SLMAP: variants seen among roughly 807,000 people sequenced by gnomAD.
The protein encoded by SLMAP is sarcolemma associated protein.
A neutral mutation model predicts 128.8 loss-of-function variants in SLMAP; 44 were observed. The observed-to-expected ratio is 0.34, with a 90% CI of 0.27 to 0.44. The LOEUF (loss-of-function observed/expected upper bound fraction) is 0.44. Among genes scored for constraint, SLMAP ranks in the 20% least tolerant of loss-of-function variants. SLMAP has a pLI of 1.00. For missense variants in SLMAP, 787 were observed against 985.3 expected (o/e 0.80, Z 2.69); for synonymous variants, 327 against 348.8 (o/e 0.94, Z 0.70).
At position 57,912,556 on chromosome 3, in the gene SLMAP, G is replaced by T. The variant is rs1264645376; in HGVS notation, c.1875G>T (p.Glu625Asp). 6.2e-7 allele frequency: 1 copy of T among 1,614,160 alleles called. No individual in the cohort carries two copies. The highest frequency in any genetic ancestry group is 1.7e-5 in the Admixed American group (1 of 60,008). ...RDTDIASLQE[E>D]LKKVRAELER... Reference sequence around the variant, plus strand: ...CTGACATTGCTTCTTTACAAGAAGAGCTTAAGAAGGTGAGAGCTGAGCTTG... The same window carrying T: ...CTGACATTGCTTCTTTACAAGAAGATCTTAAGAAGGTGAGAGCTGAGCTTG... Residue 625 changes from glutamate to aspartate, a missense_variant, in exon 20 of 25, where the codon GAG becomes GAT. This residue lies in a region of SLMAP where 715 missense variants were observed against 843.6 expected (regional missense o/e 0.85). Coordinates refer to ENST00000671191, the MANE Select transcript of SLMAP (RefSeq NM_001377540.1).
At chr3:57,869,934 T>TTTATA (rs1457311795) in intron 13 of SLMAP, among the ~76,000 whole-genome samples, 1 of 151,620 alleles carries the variant, frequency 6.6e-6, no homozygotes, top group African/African-American at 2.4e-5. Context: ...AGGAAACTCA[T>TTTATA]TTATATAAAT....
intron 10 of SLMAP, among the ~76,000 whole-genome samples, chr3:57,862,378 G>A (rs898573737): frequency 1.3e-5 from 2 of 151,854 alleles, no homozygotes; most frequent in South Asian, 4.2e-4. Flanking sequence ...AGTGGCTCAC[G>A]CCTGTAATCC....
At chr3:57,817,106 T>C (rs1005202166) in intron 2 of SLMAP, among the ~76,000 whole-genome samples, 1 of 152,210 alleles carries the variant, frequency 6.6e-6, no homozygotes, top group East Asian at 1.9e-4. Flanking sequence ...TGAAACAATG[T>C]GATCAGGTTT....
chr3:57,818,518 T>C (rs115667875), intron 2 of SLMAP, among the ~76,000 whole-genome samples: 335 of 152,312 alleles, frequency 2.2e-3, no homozygotes, highest in Non-Finnish European at 3.3e-3. Context: ...GAGAGTGTTA[T>C]ATAGATTAAG....
In SLMAP at chr3:57,773,102, C is replaced by A. The variant is rs149627379; in HGVS notation, c.198+15253C>A. Reference sequence around the variant, plus strand: ...TGGGGGGATAGGCTTTGCCTCCCACCAAGTTGGATAATTATCCAGTAATAG... The same window carrying A: ...TGGGGGGATAGGCTTTGCCTCCCACAAAGTTGGATAATTATCCAGTAATAG... On this transcript the variant is annotated intron_variant, in intron 2 of 24. Transcript: ENST00000671191. Among the ~76,000 whole-genome samples, 17 of 152,264 alleles carry A rather than the reference C, an allele frequency of 1.1e-4. No individual in the cohort carries two copies. The East Asian group carries it at 3.3e-3, about 29-fold the overall frequency.
intron 2 of SLMAP, among the ~76,000 whole-genome samples, chr3:57,830,973 A>T (rs2093302068): frequency 6.6e-6 from 1 of 152,218 alleles, no homozygotes; most frequent in African/African-American, 2.4e-5. Context: ...TTATTCATTT[A>T]TCAGTTGATG....
At chr3:57,837,970 C>T (rs539857008) in intron 3 of SLMAP, among the ~76,000 whole-genome samples, 88 of 152,248 alleles carry the variant, frequency 5.8e-4, no homozygotes, top group Non-Finnish European at 1.1e-3. Flanking sequence ...AAATTGCCTT[C>T]AACTGTGCAG....
chr3:57,849,884 A>G, intron 6 of SLMAP, 68 bp downstream of exon 6: 1 of 897,044 alleles, frequency 1.1e-6, no homozygotes, highest in East Asian at 2.4e-5. Context: ...TCTTAAAAGC[A>G]GAATTAGGGC....
At chr3:57,862,194 T>A in intron 10 of SLMAP, 108 bp downstream of exon 10, 1 of 835,002 alleles carries the variant, frequency 1.2e-6, no homozygotes, top group African/African-American at 1.7e-5. Context: ...GGCGGGCGCC[T>A]GTAATCCCAG....
intron 2 of SLMAP, among the ~76,000 whole-genome samples, chr3:57,805,475 A>G (rs1308868327): frequency 2.0e-5 from 3 of 152,236 alleles, no homozygotes; most frequent in Non-Finnish European, 4.4e-5. Context: ...TCTGTCCAGT[A>G]GCCCAGGCTA....
intron 2 of SLMAP, among the ~76,000 whole-genome samples, chr3:57,777,731 C>A (rs917368818): frequency 6.6e-6 from 1 of 152,138 alleles, no homozygotes; most frequent in Non-Finnish European, 1.5e-5. Flanking sequence ...TCAAAAGACA[C>A]ACATAAGAAT....
At chr3:57,846,706 G>A (rs564502496) in intron 4 of SLMAP, among the ~76,000 whole-genome samples, 53 of 151,924 alleles carry the variant, frequency 3.5e-4, no homozygotes, top group Middle Eastern at 6.8e-3. Flanking sequence ...AATGGTGTGC[G>A]CCACCACGCC....
At position 57,896,907 on chromosome 3, in the gene SLMAP, T is replaced by G. The variant is rs750965201; in HGVS notation, c.1476T>G (p.Pro492=). The G allele has an allele frequency of 1.2e-6, 2 of 1,612,880 alleles. No individual in the cohort carries two copies. Among genetic ancestry groups the G allele is most frequent in the South Asian group, 1.1e-5 (1 of 90,602 alleles). The change falls in exon 17 of 25, where the codon CCT becomes CCG. Residue 492 remains proline (P), a synonymous_variant. Coordinates refer to ENST00000671191, the MANE Select transcript of SLMAP (RefSeq NM_001377540.1). ...AQMDEQDLNE[P]LAKVSLLKDD... ...TGGATGAGCAAGACCTAAATGAGCC[T>G]CTTGCCAAAGTGTCCCTTTTAAAAG... is the stretch of plus-strand genomic sequence containing the variant.
At chr3:57,814,235 G>C (rs2091510241) in intron 2 of SLMAP, among the ~76,000 whole-genome samples, 1 of 152,002 alleles carries the variant, frequency 6.6e-6, no homozygotes, top group Non-Finnish European at 1.5e-5. Flanking sequence ...TGTCACCCAG[G>C]CGGGAGTGCA....
At chr3:57,853,999 A>ATATATATATT (rs2094634696) in intron 6 of SLMAP, among the ~76,000 whole-genome samples, 1 of 103,232 alleles carries the variant, frequency 9.7e-6, no homozygotes, top group African/African-American at 3.8e-5. Flanking sequence ...ATATATATAT[A>ATATATATATT]TTTACATATA....
chr3:57,872,646 T>C (rs1483229536), intron 14 of SLMAP, among the ~76,000 whole-genome samples: 1 of 152,112 alleles, frequency 6.6e-6, no homozygotes, highest in Admixed American at 6.6e-5. Context: ...AACAAAACGA[T>C]AAATTGGCTT....
chr3:57,854,037 G>GTA (rs553427706), intron 6 of SLMAP, among the ~76,000 whole-genome samples: 1,026 of 85,322 alleles, frequency 0.012, 16 homozygotes, highest in African/African-American at 0.04. Flanking sequence ...TATATAATGT[G>GTA]TATATATATA....
intron 10 of SLMAP, among the ~76,000 whole-genome samples, chr3:57,863,874 A>G (rs931789340): frequency 3.9e-5 from 6 of 152,238 alleles, no homozygotes; most frequent in Non-Finnish European, 5.9e-5. Flanking sequence ...AATTTTGTTT[A>G]AAATTTCAGA....
rs1162558108 is a variant in SLMAP at position 57,852,314 on chromosome 3, GATCTT to G, written c.519+2504_519+2508del. Among the ~76,000 whole-genome samples the G allele has an allele frequency of 3.9e-5, 6 of 152,274 alleles. No individual in the cohort carries two copies. In the South Asian group the frequency reaches 1.0e-3, roughly 26 times the overall value. On this transcript the variant is annotated intron_variant, in intron 6 of 24. Transcript: ENST00000671191. Reference sequence around the variant, plus strand: ...CAGAAAATTATCAATGTATTAATCAGATCTTATCTTCCACCAGGCATAATGTATGC... The same window carrying G: ...CAGAAAATTATCAATGTATTAATCAGATCTTCCACCAGGCATAATGTATGC...
Sources: gnomAD v4.1 joint callset for allele counts (sites outside exome capture counted in the v4.1 genomes callset) on GRCh38, gnomAD v4.1.1 for gene constraint, gnomAD v4.1.1 regional missense constraint, MANE v1.5 for transcripts, NCBI Gene and HGNC (gene_info 2026-07-23, HGNC 2026-07-21) for gene names.